The following R3HDM2 variants were observed in gnomAD, a reference collection of about 807,000 sequenced individuals.
R3HDM2 encodes R3H domain containing 2.
Under a neutral mutation model 124.5 loss-of-function variants are expected in R3HDM2, and 38 were observed. The ratio of observed to expected loss-of-function variants is 0.31; its 90% CI spans 0.24 to 0.40. R3HDM2 has a LOEUF of 0.40. Ranked by LOEUF, R3HDM2 falls within the 10% of genes least tolerant of loss-of-function variation. The pLI, the probability that R3HDM2 is intolerant of heterozygous loss-of-function variation, is 1.00. For synonymous variants in R3HDM2, 391 were observed against 448.0 expected (o/e 0.87, Z 1.61); for missense variants, 869 against 1,236.9 (o/e 0.70, Z 4.46).
chr12:57,409,576 A>G (rs536922588), intron 1 of R3HDM2, among the ~76,000 whole-genome samples: 34 of 152,050 alleles, frequency 2.2e-4, no homozygotes, highest in African/African-American at 8.2e-4. Context: ...TACCCAAAGG[A>G]AAAGTCACAA....
In R3HDM2 at chr12:57,255,903, C is replaced by T. The variant is rs946371003; in HGVS notation, c.2632+87G>A. On this transcript the variant is annotated intron_variant, in intron 23 of 23. Transcript: ENST00000402412. ...TCCCACTTCCACTCCCCATCCTAAG[C>T]TGGCTTTTCCCACCCATGCTGGACT... 36 of 1,192,168 alleles carry T rather than the reference C, an allele frequency of 3.0e-5. 1 individual carries two copies. In the East Asian group the frequency reaches 8.1e-4, roughly 27 times the overall value. The allele number at this position is 1,192,168 out of a possible 1,614,324, so 73.8% of individuals were successfully genotyped here.
At position 57,299,478 on chromosome 12, in the gene R3HDM2, C is replaced by A. The variant is rs2050637605; in HGVS notation, c.295G>T (p.Asp99Tyr). The change falls in exon 6 of 24, where the codon GAT (aspartate) becomes TAT (tyrosine). Residue 99 changes from aspartate to tyrosine, a missense_variant and splice_region_variant. Coordinates refer to ENST00000402412, the MANE Select transcript of R3HDM2 (RefSeq NM_001394031.1). The stretch of plus-strand genomic sequence containing the variant: ...CAACTGATGTGCAATTGAATTATAT[C>A]CTTAAGGGGAAAAAGGATAATCAAA... ...PFADGPLETQ[D>Y]IIQLHISCPS... 1 of 1,545,538 alleles carries A rather than the reference C, an allele frequency of 6.5e-7. No homozygotes were observed. Among genetic ancestry groups the A allele is most frequent in the East Asian group, 2.4e-5 (1 of 40,874 alleles).
intron 2 of R3HDM2, among the ~76,000 whole-genome samples, chr12:57,381,712 G>GT (rs59113085): frequency 0.97 from 148,276 of 152,124 alleles, 72,386 homozygotes; most frequent in Middle Eastern, 1. Context: ...AATGTGACAT[G>GT]TTTATTGATG....
intron 2 of R3HDM2, among the ~76,000 whole-genome samples, chr12:57,360,006 A>AATAAATAAATATATATATAT (rs1403496780): frequency 2.7e-4 from 32 of 117,664 alleles, no homozygotes; most frequent in African/African-American, 8.5e-4. Flanking sequence ...TAAATAAATA[A>AATAAATAAATATATATATAT]ATATATATAT....
chr12:57,278,681 C>T (rs575613810), intron 14 of R3HDM2, among the ~76,000 whole-genome samples: 4 of 152,138 alleles, frequency 2.6e-5, no homozygotes, highest in South Asian at 2.1e-4. Context: ...CTGAAGTGAA[C>T]GAGACTTACT....
At chr12:57,322,489 G>A (rs1233146360) in intron 2 of R3HDM2, among the ~76,000 whole-genome samples, 1 of 152,116 alleles carries the variant, frequency 6.6e-6, no homozygotes, top group Non-Finnish European at 1.5e-5. Flanking sequence ...GCATGATTAT[G>A]AGCCTGGTGC....
At position 57,313,122 on chromosome 12, in the gene R3HDM2, CTTTG is replaced by C. The variant is rs747676917; in HGVS notation, c.-35-2663_-35-2660del. Among the ~76,000 whole-genome samples the C allele has an allele frequency of 6.6e-5, 10 of 152,064 alleles. No individual in the cohort carries two copies. The East Asian group carries it at 9.6e-4, about 15-fold the overall frequency. ...CATGGATCATTTGCTATACATGGGACTTTGTTTATGTATGTAGTATGTATGTATG... is the reference window on the plus strand; with the variant it reads ...CATGGATCATTTGCTATACATGGGACTTTATGTATGTAGTATGTATGTATG... On this transcript the variant is annotated intron_variant, in intron 2 of 23. Coordinates refer to ENST00000402412, the MANE Select transcript of R3HDM2 (RefSeq NM_001394031.1).
At chr12:57,368,637 TCCATGTGTATTA>T (rs1252391550) in intron 2 of R3HDM2, among the ~76,000 whole-genome samples, 1 of 152,102 alleles carries the variant, frequency 6.6e-6, no homozygotes, top group Admixed American at 6.6e-5. Context: ...TTGGCAATAC[TCCATGTGTATTA>T]CCACACACCA....
chr12:57,279,569 A>G lies in R3HDM2; in HGVS notation c.1344+789T>C, dbSNP rs558025761. On this transcript the variant is annotated intron_variant, in intron 14 of 23. Transcript: ENST00000402412. The stretch of plus-strand genomic sequence containing the variant: ...TGTAATCTCAGCACTTTAGGAGGCC[A>G]AGGAGGGAGGATCACTTGAGCCCAC... Among the ~76,000 whole-genome samples the G allele has an allele frequency of 7.3e-5, 11 of 151,376 alleles. 2 individuals are homozygous for G. In the South Asian group the frequency reaches 1.7e-3, roughly 23 times the overall value.
intron 2 of R3HDM2, among the ~76,000 whole-genome samples, chr12:57,319,450 C>T (rs571664064): frequency 6.6e-6 from 1 of 152,206 alleles, no homozygotes; most frequent in African/African-American, 2.4e-5. Context: ...TCTTCACCTC[C>T]AGAAAGAAAC....
At position 57,253,868 on chromosome 12, in the gene R3HDM2, A is replaced by G. The variant is rs1245596757; in HGVS notation, c.*905T>C. ...AGATTAAATAAAATTTACAGTGAAT[A>G]TACCCAGCAAACATCTGTATGTGCA... is the stretch of plus-strand genomic sequence containing the variant. On this transcript the variant is annotated 3_prime_UTR_variant, in exon 24 of 24. Coordinates refer to ENST00000402412, the MANE Select transcript of R3HDM2 (RefSeq NM_001394031.1). 5.1e-6 allele frequency: 1 copy of G among 194,742 alleles called. No homozygotes were observed. The highest frequency in any genetic ancestry group is 1.0e-5 in the Non-Finnish European group (1 of 95,808). The allele number at this position is 194,742 out of a possible 1,614,324, so 12.1% of individuals were successfully genotyped here.
intron 2 of R3HDM2, among the ~76,000 whole-genome samples, chr12:57,386,532 G>A (rs1445285454): frequency 1.3e-5 from 2 of 152,212 alleles, no homozygotes; most frequent in Non-Finnish European, 2.9e-5. Context: ...CCTGCAGCCC[G>A]CCATGCCTGA....
intron 2 of R3HDM2, among the ~76,000 whole-genome samples, chr12:57,390,989 GCAA>G (rs951121261): frequency 1.0e-4 from 15 of 150,446 alleles, no homozygotes; most frequent in Middle Eastern, 3.4e-3. Flanking sequence ...TCCAGCCTGG[GCAA>G]CAACAACAAA....
chr12:57,330,796 T>G (rs2058075117), intron 2 of R3HDM2, among the ~76,000 whole-genome samples: 1 of 146,882 alleles, frequency 6.8e-6, no homozygotes, highest in Non-Finnish European at 1.5e-5. Flanking sequence ...CCTCCCGGGT[T>G]CACGCCATTC....
chr12:57,323,434 G>A (rs945631524), intron 2 of R3HDM2, among the ~76,000 whole-genome samples: 1 of 152,194 alleles, frequency 6.6e-6, no homozygotes, highest in African/African-American at 2.4e-5. Flanking sequence ...TTTAAGGACT[G>A]TAGAAACTGT....
At chr12:57,410,333 A>AC (rs1489852799) in intron 1 of R3HDM2, among the ~76,000 whole-genome samples, 1 of 151,660 alleles carries the variant, frequency 6.6e-6, no homozygotes, top group Non-Finnish European at 1.5e-5. Context: ...AAAAAAAAAA[A>AC]AAAAAAAAAC....
rs772025551 is a variant in R3HDM2 at position 57,258,023 on chromosome 12, T to C, written c.2416A>G (p.Thr806Ala). 6.3e-7 allele frequency: 1 copy of C among 1,586,586 alleles called. No homozygotes were observed. Among genetic ancestry groups the C allele is most frequent in the Non-Finnish European group, 8.6e-7 (1 of 1,161,330 alleles). Residue 806 changes from threonine to alanine, a missense_variant, in exon 21 of 24, where the codon ACA becomes GCA. By Grantham distance (58) the Thr-to-Ala change is moderately conservative. Around this residue, in one of 2 missense-constraint regions of R3HDM2, gnomAD observed 602 missense variants for 789.2 expected, o/e 0.76. Coordinates refer to ENST00000402412, the MANE Select transcript of R3HDM2 (RefSeq NM_001394031.1). ...CTGLSPLPVL[T>A]QFPRPGGPAQ... Reference sequence around the variant, plus strand: ...GGACCCCCAGGCCGGGGGAACTGTGTGAGGACAGGCAGGGGACTGAGTCCT... The same window carrying C: ...GGACCCCCAGGCCGGGGGAACTGTGCGAGGACAGGCAGGGGACTGAGTCCT...
At chr12:57,401,718 T>A (rs2068069678) in intron 1 of R3HDM2, among the ~76,000 whole-genome samples, 1 of 152,230 alleles carries the variant, frequency 6.6e-6, no homozygotes, top group African/African-American at 2.4e-5. Flanking sequence ...GCACAGTGGC[T>A]CATGCCTGTA....
intron 1 of R3HDM2, among the ~76,000 whole-genome samples, chr12:57,407,668 G>C (rs2139195087): frequency 6.6e-6 from 1 of 152,194 alleles, no homozygotes; most frequent in South Asian, 2.1e-4. Context: ...GCCTCCCAAA[G>C]TGCTGGGATT....
Sources: allele counts gnomAD v4.1 joint callset (sites outside exome capture counted in the v4.1 genomes callset), GRCh38; gene constraint gnomAD v4.1.1; regional missense constraint gnomAD v4.1.1; transcripts MANE v1.5; gene names NCBI Gene and HGNC (gene_info 2026-07-23, HGNC 2026-07-21).